HERPUD1: variants seen among roughly 807,000 people sequenced by gnomAD.
HERPUD1 encodes the protein homocysteine inducible ER protein with ubiquitin like domain 1.
Under a neutral mutation model 45.0 loss-of-function variants are expected in HERPUD1, and 17 were observed. The ratio of observed to expected loss-of-function variants is 0.38; its 90% CI spans 0.26 to 0.57. The LOEUF (loss-of-function observed/expected upper bound fraction) is 0.57. Among genes scored for constraint, HERPUD1 ranks in the 20% least tolerant of loss-of-function variants. The probability of loss-of-function intolerance (pLI) is 0.72; values close to 1 mark genes in which losing one functional copy is unlikely to be tolerated. For synonymous variants in HERPUD1, 164 were observed against 177.5 expected (o/e 0.92, Z 0.61); for missense variants, 420 against 490.5 (o/e 0.86, Z 1.36).
chr16:56,937,979 C>T (rs1256327147), intron 4 of HERPUD1, among the ~76,000 whole-genome samples: 1 of 152,018 alleles, frequency 6.6e-6, no homozygotes, highest in East Asian at 1.9e-4. Context: ...TTCAACTATT[C>T]TTAACTTGAG....
chr16:56,936,351 G>A (rs1202744826), intron 3 of HERPUD1: 1 of 163,534 alleles, frequency 6.1e-6, no homozygotes, highest in African/African-American at 2.4e-5. Flanking sequence ...GGGCTGGGTT[G>A]TATTTATAAA....
At chr16:56,932,933 G>T (rs1343118947) in intron 1 of HERPUD1, among the ~76,000 whole-genome samples, 8 of 152,232 alleles carry the variant, frequency 5.3e-5, no homozygotes, top group African/African-American at 1.9e-4. Flanking sequence ...GAGTCCCGGG[G>T]TGGAGCCCCG....
chr16:56,943,115 A>G lies in HERPUD1; in HGVS notation c.1012-11A>G, dbSNP rs539669676. On this transcript the variant is annotated splice_polypyrimidine_tract_variant and intron_variant, in intron 7 of 7. Coordinates refer to ENST00000439977, the MANE Select transcript of HERPUD1 (RefSeq NM_014685.4). ...CATTGTTTCATTACCTCATTGTTTCATTACCTGTAGGAAGGCACTGATCCT... is the reference window on the plus strand; with the variant it reads ...CATTGTTTCATTACCTCATTGTTTCGTTACCTGTAGGAAGGCACTGATCCT... 2.5e-5 allele frequency: 40 copies of G among 1,611,918 alleles called. No homozygotes were observed. Among genetic ancestry groups the G allele is most frequent in the Non-Finnish European group, 2.9e-5 (34 of 1,178,262 alleles).
At chr16:56,932,701 TAAG>T (rs1441152784) in intron 1 of HERPUD1, among the ~76,000 whole-genome samples, 1 of 149,856 alleles carries the variant, frequency 6.7e-6, no homozygotes, top group African/African-American at 2.4e-5. Flanking sequence ...TGGCTAGAAG[TAAG>T]AAAACATCCG....
intron 6 of HERPUD1, chr16:56,941,830 C>T (rs570399250): frequency 4.4e-6 from 1 of 227,340 alleles, no homozygotes; most frequent in Non-Finnish European, 8.6e-6. Flanking sequence ...TCTCCCCGCT[C>T]TGTTCAGGTT....
chr16:56,942,325 T>C, intron 7 of HERPUD1, 88 bp downstream of exon 7: 1 of 817,846 alleles, frequency 1.2e-6, no homozygotes, highest in South Asian at 1.5e-5. Flanking sequence ...AGCTTGCGGT[T>C]TACCATTTTA....
intron 4 of HERPUD1, among the ~76,000 whole-genome samples, chr16:56,938,580 A>C (rs1171367923): frequency 8.7e-5 from 13 of 149,458 alleles, no homozygotes; most frequent in South Asian, 2.1e-4. Flanking sequence ...AAAAAAAAGA[A>C]GCATGCATTT....
chr16:56,940,356 C>T (rs2055900619), intron 6 of HERPUD1, 111 bp downstream of exon 6: 1 of 755,202 alleles, frequency 1.3e-6, no homozygotes, highest in Non-Finnish European at 2.2e-6. Context: ...CTCTGTCATT[C>T]AGGCTGGAGT....
At chr16:56,932,429 C>A in intron 1 of HERPUD1, 38 bp downstream of exon 1, 1 of 1,490,748 alleles carries the variant, frequency 6.7e-7, no homozygotes, top group Non-Finnish European at 8.9e-7. Flanking sequence ...TAGGCTGTGG[C>A]CCCCCGCCCT....
At chr16:56,932,463 T>C in intron 1 of HERPUD1, 72 bp downstream of exon 1, 3 of 1,352,310 alleles carry the variant, frequency 2.2e-6, no homozygotes, top group Non-Finnish European at 2.9e-6. Flanking sequence ...CACGTCCGGC[T>C]GCCCTGTCCT....
intron 7 of HERPUD1, among the ~76,000 whole-genome samples, chr16:56,942,838 C>T (rs2055921345): frequency 6.6e-6 from 1 of 152,156 alleles, no homozygotes. Flanking sequence ...GAGCGAGACT[C>T]TGTCTCAAAA....
intron 4 of HERPUD1, 71 bp downstream of exon 4, chr16:56,936,888 G>A: frequency 6.4e-7 from 1 of 1,550,476 alleles, no homozygotes; most frequent in Non-Finnish European, 8.8e-7. Flanking sequence ...TTAAGAATAA[G>A]GTATGTTTAC....
chr16:56,932,861 C>T lies in HERPUD1; in HGVS notation c.147+470C>T, dbSNP rs1182571236. ...CACCCAGAAGCAGGACGTGGCTCTTCTCCTCCCTGGCCACCTTCCGCCGTG... is the reference window on the plus strand; with the variant it reads ...CACCCAGAAGCAGGACGTGGCTCTTTTCCTCCCTGGCCACCTTCCGCCGTG... On this transcript the variant is annotated intron_variant, in intron 1 of 7. Coordinates refer to ENST00000439977, the MANE Select transcript of HERPUD1 (RefSeq NM_014685.4). Among the ~76,000 whole-genome samples the T allele has an allele frequency of 2.6e-5, 4 of 152,310 alleles. No homozygotes were observed. In the East Asian group the frequency reaches 7.7e-4, roughly 29 times the overall value.
chr16:56,941,696 A>G (rs1430292336), intron 6 of HERPUD1: 2 of 152,484 alleles, frequency 1.3e-5, no homozygotes, highest in African/African-American at 4.8e-5. Context: ...TTGGGATTTA[A>G]TTGGTTTCTT....
At position 56,935,480 on chromosome 16, in the gene HERPUD1, G is replaced by T; in HGVS notation, c.300+5G>T. ...ATGCCAGAAATCAACGCCAAGGTGTGTCTGCCTCTTCATGATGGTAACAAT... is the reference window on the plus strand; with the variant it reads ...ATGCCAGAAATCAACGCCAAGGTGTTTCTGCCTCTTCATGATGGTAACAAT... On this transcript the variant is annotated splice_donor_5th_base_variant and intron_variant, in intron 3 of 7. Transcript: ENST00000439977. The T allele has an allele frequency of 6.2e-7, 1 of 1,611,490 alleles. No homozygotes were observed. Among genetic ancestry groups the T allele is most frequent in the Non-Finnish European group, 8.5e-7 (1 of 1,177,612 alleles).
chr16:56,942,401 G>T (rs1004154069), intron 7 of HERPUD1, among the ~76,000 whole-genome samples, 164 bp downstream of exon 7: 1 of 152,264 alleles, frequency 6.6e-6, no homozygotes, highest in Admixed American at 6.5e-5. Flanking sequence ...TTAAAACGTC[G>T]AATGTGCCAT....
In HERPUD1 at chr16:56,943,471, A is replaced by C. The variant is rs375490928; in HGVS notation, c.*181A>C. ...GAAGCCGTGATACAAATTGGTGAAC[A>C]AAAAATGCCCAAGGCTTCTCATGTC... On this transcript the variant is annotated 3_prime_UTR_variant, in exon 8 of 8. Coordinates refer to ENST00000439977, the MANE Select transcript of HERPUD1 (RefSeq NM_014685.4). 1.9e-5 allele frequency: 14 copies of C among 722,846 alleles called. No individual in the cohort carries two copies. Among genetic ancestry groups the C allele is most frequent in the East Asian group, 1.1e-4 (4 of 37,694 alleles). 44.8% of individuals were successfully genotyped at this position (722,846 alleles called of 1,614,324 possible).
In HERPUD1 at chr16:56,939,944, C is replaced by G. The variant is rs1325830365; in HGVS notation, c.604C>G (p.Gln202Glu). The G allele has an allele frequency of 1.9e-6, 3 of 1,614,046 alleles. No individual in the cohort carries two copies. The highest frequency in any genetic ancestry group is 2.7e-5 in the African/African-American group (2 of 74,926). ...SGAFVPPPSA[Q>E]EIPVVSAPAP... ...GGCTTTTGTTCCACCACCAAGTGCA[C>G]AAGAGATACCTGTGGTCTCTGCACC... The change falls in exon 6 of 8, where the codon CAA becomes GAA. Residue 202 changes from glutamine to glutamate, a missense_variant. Coordinates refer to ENST00000439977, the MANE Select transcript of HERPUD1 (RefSeq NM_014685.4).
chr16:56,942,346 T>C, intron 7 of HERPUD1, 109 bp downstream of exon 7: 1 of 666,592 alleles, frequency 1.5e-6, no homozygotes, highest in Non-Finnish European at 2.6e-6. Flanking sequence ...TTGGGCTAAA[T>C]ATTTCATGAT....
Sources: gnomAD v4.1 joint callset for allele counts (sites outside exome capture counted in the v4.1 genomes callset) on GRCh38, gnomAD v4.1.1 for gene constraint, MANE v1.5 for transcripts, NCBI Gene and HGNC (gene_info 2026-07-23, HGNC 2026-07-21) for gene names.